The following ADGRL4 variants were observed in gnomAD, a reference collection of about 807,000 sequenced individuals.
The protein encoded by ADGRL4 is adhesion G protein-coupled receptor L4.
In ADGRL4, 90 loss-of-function variants were observed where a neutral mutation model predicts 74.8. The ratio of observed to expected loss-of-function variants is 1.20; its 90% CI spans 1.02 to 1.43. ADGRL4 has a LOEUF of 1.43. ADGRL4 is among the 40% of genes most tolerant of loss of function. ADGRL4 has a pLI of 0.00. For synonymous variants in ADGRL4, 311 were observed against 279.2 expected (o/e 1.11, Z -1.14); for missense variants, 881 against 814.3 (o/e 1.08, Z -1.00).
intron 2 of ADGRL4, among the ~76,000 whole-genome samples, chr1:78,989,965 C>T (rs1650573692): frequency 6.6e-6 from 1 of 151,888 alleles, no homozygotes; most frequent in African/African-American, 2.4e-5. Flanking sequence ...AAGTCTGCTT[C>T]CTCCAAGGCC....
chr1:79,002,368 A>T (rs563294317), intron 2 of ADGRL4, among the ~76,000 whole-genome samples: 34 of 152,246 alleles, frequency 2.2e-4, no homozygotes, highest in African/African-American at 7.9e-4. Flanking sequence ...GCCATTAATT[A>T]TTCCCTTTAC....
chr1:78,970,205 C>T (rs1650143231), intron 2 of ADGRL4, among the ~76,000 whole-genome samples: 1 of 151,966 alleles, frequency 6.6e-6, no homozygotes. Flanking sequence ...CATTTTTGTC[C>T]AAAACTCAAT....
At chr1:78,936,532 T>G (rs1016809837) in intron 6 of ADGRL4, 121 bp from the exon 7 acceptor site, 16 of 891,406 alleles carry the variant, frequency 1.8e-5, no homozygotes, top group Non-Finnish European at 2.6e-5. Flanking sequence ...TTATAACAAG[T>G]AGAGTGAACA....
intron 2 of ADGRL4, among the ~76,000 whole-genome samples, chr1:78,997,566 C>T (rs2100739691): frequency 6.6e-6 from 1 of 152,152 alleles, no homozygotes; most frequent in African/African-American, 2.4e-5. Context: ...ACATAGAAGC[C>T]TCTTCTAAAT....
At position 78,937,831 on chromosome 1, in the gene ADGRL4, ACT is replaced by A. The variant is rs530146985; in HGVS notation, c.734_735del (p.Glu245ValfsTer2). ...CCTATATCCGTTGAATTTGTATCAA[ACT>A]CTGTGGTCTTTTGGAAGCTCTGGGA... ...RISQSFQKTT[E>X]FDTNSTDIAL... is the part of the protein sequence containing the mutation. On this transcript the variant is annotated frameshift_variant, in exon 6 of 15. Coordinates refer to ENST00000370742, the MANE Select transcript of ADGRL4 (RefSeq NM_022159.4). LOFTEE classifies it high-confidence loss of function. 15 of 1,610,942 alleles carry A rather than the reference ACT, an allele frequency of 9.3e-6. No individual in the cohort carries two copies. Among genetic ancestry groups the A allele is most frequent in the Non-Finnish European group, 1.3e-5 (15 of 1,179,252 alleles).
At chr1:78,962,812 G>A (rs1174024701) in intron 2 of ADGRL4, among the ~76,000 whole-genome samples, 1 of 151,822 alleles carries the variant, frequency 6.6e-6, no homozygotes, top group Non-Finnish European at 1.5e-5. Flanking sequence ...AAAATAAAAT[G>A]CACTAATAGG....
chr1:78,986,338 T>C (rs1337991269), intron 2 of ADGRL4, among the ~76,000 whole-genome samples: 2 of 151,758 alleles, frequency 1.3e-5, no homozygotes, highest in African/African-American at 4.8e-5. Flanking sequence ...GTTGTTGATG[T>C]TTTTGTAATC....
intron 2 of ADGRL4, among the ~76,000 whole-genome samples, chr1:78,977,549 A>G (rs1650309957): frequency 6.6e-6 from 1 of 151,956 alleles, no homozygotes; most frequent in Admixed American, 6.6e-5. Flanking sequence ...AAGTAGAATT[A>G]CTTTATCAGT....
intron 6 of ADGRL4, among the ~76,000 whole-genome samples, chr1:78,936,664 G>C (rs1359682486): frequency 6.6e-6 from 1 of 152,050 alleles, no homozygotes; most frequent in African/African-American, 2.4e-5. Context: ...TATAATATGT[G>C]TATGTAACCA....
At chr1:78,980,978 T>C (rs1208610443) in intron 2 of ADGRL4, among the ~76,000 whole-genome samples, 1 of 152,004 alleles carries the variant, frequency 6.6e-6, no homozygotes, top group African/African-American at 2.4e-5. Flanking sequence ...TGTTAGAAAC[T>C]ACCAGACATT....
intron 2 of ADGRL4, among the ~76,000 whole-genome samples, chr1:78,999,596 A>G (rs1257808014): frequency 6.6e-6 from 1 of 152,062 alleles, no homozygotes; most frequent in Non-Finnish European, 1.5e-5. Context: ...AATAAATAGA[A>G]TACAATTTTT....
At chr1:78,945,177 A>ATATATAT (rs1553136471) in intron 3 of ADGRL4, among the ~76,000 whole-genome samples, 111 of 127,926 alleles carry the variant, frequency 8.7e-4, no homozygotes, top group African/African-American at 3.0e-3. Context: ...AAAAAAAAAA[A>ATATATAT]ATATATATAT....
chr1:78,930,214 A>G (rs1649208544), intron 7 of ADGRL4, among the ~76,000 whole-genome samples: 1 of 151,052 alleles, frequency 6.6e-6, no homozygotes, highest in African/African-American at 2.5e-5. Context: ...TTGTTCTCAT[A>G]TAGGTAAAAA....
chr1:78,930,232 C>T (rs952402076), intron 7 of ADGRL4, among the ~76,000 whole-genome samples: 1 of 147,058 alleles, frequency 6.8e-6, no homozygotes, highest in Non-Finnish European at 1.5e-5. Flanking sequence ...AAATATATTA[C>T]CTAGAGAAAA....
chr1:78,936,964 T>A (rs936158350), intron 6 of ADGRL4, among the ~76,000 whole-genome samples: 8 of 152,196 alleles, frequency 5.3e-5, no homozygotes, highest in Admixed American at 2.0e-4. Flanking sequence ...GCAATAAAGA[T>A]GTCTGCAGTG....
At chr1:78,891,734 T>G (rs772946920) in intron 13 of ADGRL4, 42 bp from the exon 14 acceptor site, 2 of 1,531,412 alleles carry the variant, frequency 1.3e-6, no homozygotes. Flanking sequence ...AAGCTACGTA[T>G]AGTCAACATA....
intron 12 of ADGRL4, among the ~76,000 whole-genome samples, chr1:78,898,674 T>A (rs1648451368): frequency 6.6e-6 from 1 of 151,974 alleles, no homozygotes; most frequent in Admixed American, 6.6e-5. Context: ...AGAAAAAAAG[T>A]CACTCAAAGT....
chr1:78,904,770 G>A (rs865783763), intron 12 of ADGRL4, among the ~76,000 whole-genome samples: 40 of 152,060 alleles, frequency 2.6e-4, no homozygotes, highest in Middle Eastern at 3.4e-3. Flanking sequence ...TACTTTCCTT[G>A]CGTGTAAAAT....
At chr1:79,006,194 G>A (rs887982392) in intron 1 of ADGRL4, among the ~76,000 whole-genome samples, 1 of 152,130 alleles carries the variant, frequency 6.6e-6, no homozygotes, top group African/African-American at 2.4e-5. Flanking sequence ...AAATCCCAGT[G>A]GCAAATAACT....
Sources: allele counts gnomAD v4.1 joint callset (sites outside exome capture counted in the v4.1 genomes callset), GRCh38; gene constraint gnomAD v4.1.1; transcripts MANE v1.5; gene names NCBI Gene and HGNC (gene_info 2026-07-23, HGNC 2026-07-21).